Variants in NUDT16L1 observed in about 807,000 individuals in gnomAD.
NUDT16L1 encodes tudor-interacting repair regulator protein.
Under a neutral mutation model 17.3 loss-of-function variants are expected in NUDT16L1, and 19 were observed. The ratio of observed to expected loss-of-function variants is 1.10; its 90% CI spans 0.77 to 1.61. The LOEUF (loss-of-function observed/expected upper bound fraction) is 1.61, where lower values mean the gene tolerates loss of function less well. Among genes scored for constraint, NUDT16L1 ranks in the 40% most tolerant of loss-of-function variants. The pLI, the probability that NUDT16L1 is intolerant of heterozygous loss-of-function variation, is 0.00. For synonymous variants in NUDT16L1, 255 were observed against 138.6 expected (o/e 1.84, Z -5.90); for missense variants, 341 against 292.0 (o/e 1.17, Z -1.22).
chr16:4,693,807 G>C (rs764310584), exon 1 of NUDT16L1: 1 of 1,572,248 alleles, frequency 6.4e-7, no homozygotes, highest in Admixed American at 1.8e-5. Flanking sequence ...GGAGCCACTC[G>C]TGCCACGCCA....
At chr16:4,694,906 G>C in intron 2 of NUDT16L1, 52 bp from the exon 3 acceptor site, 1 of 1,554,706 alleles carries the variant, frequency 6.4e-7, no homozygotes, top group African/African-American at 1.4e-5. Context: ...TCCTGCTGGA[G>C]GTGCCATTGT....
chr16:4,694,742 G>A, intron 2 of NUDT16L1: 4 of 1,425,478 alleles, frequency 2.8e-6, no homozygotes, highest in Non-Finnish European at 2.7e-6. Context: ...AGGGGGGGGA[G>A]TGCATGGGGT....
At chr16:4,694,558 G>C in intron 2 of NUDT16L1, 1 of 1,454,332 alleles carries the variant, frequency 6.9e-7, no homozygotes, top group Non-Finnish European at 9.0e-7. Flanking sequence ...TTGGGGAGTT[G>C]GGAAACTTGA....
chr16:4,694,400 GCC>G, intron 2 of NUDT16L1, 162 bp downstream of exon 2: 1 of 1,471,306 alleles, frequency 6.8e-7, no homozygotes, highest in Non-Finnish European at 9.0e-7. Context: ...GGGCTGGGAG[GCC>G]GGGAAAGGAG....
chr16:4,694,501 G>GA, intron 2 of NUDT16L1: 1 of 1,515,360 alleles, frequency 6.6e-7, no homozygotes, highest in African/African-American at 1.4e-5. Context: ...GGGAGTGGGG[G>GA]AGTGGGATCG....
intron 2 of NUDT16L1, chr16:4,694,471 T>C: frequency 6.6e-7 from 1 of 1,516,210 alleles, no homozygotes; most frequent in Non-Finnish European, 8.8e-7. Context: ...TCCGCCTTGC[T>C]GCCTGCCATT....
At chr16:4,694,705 ACCCCGGGGTGGGGT>A (rs2079498247) in intron 2 of NUDT16L1, 13 of 1,014,946 alleles carry the variant, frequency 1.3e-5, no homozygotes, top group Non-Finnish European at 1.5e-5. Context: ...TGGGGTGCGG[ACCCCGGGGTGGGGT>A]GGCCTGGGTA....
exon 3 of NUDT16L1, chr16:4,695,652 T>C (rs2079525718): frequency 4.9e-6 from 2 of 410,768 alleles, no homozygotes; most frequent in East Asian, 3.5e-5. Context: ...AAGTTAATAA[T>C]ACTGTTAATT....
chr16:4,693,573 G>A (rs1567263223), upstream of NUDT16L1: 1 of 844,790 alleles, frequency 1.2e-6, no homozygotes, highest in East Asian at 3.7e-5. Context: ...ACGACGCACC[G>A]CGGCGCTGCG....
exon 2 of NUDT16L1, chr16:4,694,000 T>C: frequency 6.3e-7 from 1 of 1,583,100 alleles, no homozygotes; most frequent in Non-Finnish European, 8.5e-7. Context: ...TTCGACGGGC[T>C]GCTGGGCTTC....
exon 2 of NUDT16L1, chr16:4,694,152 G>A (rs771212289): frequency 3.2e-6 from 5 of 1,587,262 alleles, no homozygotes; most frequent in Non-Finnish European, 3.4e-6. Flanking sequence ...CCGCGTCGTG[G>A]CGCACCTGTA....
chr16:4,693,937 C>A, intron 1 of NUDT16L1, 41 bp from the exon 2 acceptor site: 1 of 1,503,460 alleles, frequency 6.7e-7, no homozygotes, highest in South Asian at 1.3e-5. Flanking sequence ...CGGGCGGGGG[C>A]GTCCGTCGAC....
chr16:4,695,466 T>A (rs1361943552), exon 3 of NUDT16L1: 4 of 581,774 alleles, frequency 6.9e-6, no homozygotes, highest in Non-Finnish European at 1.2e-5. Flanking sequence ...CTTGTACGTC[T>A]CATCACAGCT....
At chr16:4,695,017 C>T (rs1367967711) in exon 3 of NUDT16L1, 2 of 1,613,174 alleles carry the variant, frequency 1.2e-6, no homozygotes, top group African/African-American at 1.3e-5. Context: ...GAGGCTTCCC[C>T]AACTTCCTGA....
intron 2 of NUDT16L1, chr16:4,694,695 T>A: frequency 9.8e-7 from 1 of 1,017,940 alleles, no homozygotes; most frequent in Non-Finnish European, 1.2e-6. Context: ...GGGGGGAGCA[T>A]GGGGTGCGGA....
exon 3 of NUDT16L1, chr16:4,695,096 G>C: frequency 1.9e-6 from 3 of 1,613,540 alleles, no homozygotes; most frequent in Non-Finnish European, 2.5e-6. Context: ...CATGATGCCC[G>C]AGGAGAAGCT....
At chr16:4,694,617 C>T (rs896633989) in intron 2 of NUDT16L1, 2 of 1,426,526 alleles carry the variant, frequency 1.4e-6, no homozygotes, top group Non-Finnish European at 1.8e-6. Flanking sequence ...GGCGTGAAGG[C>T]TCTTGGGATT....
At chr16:4,693,711 C>CG (rs767688099) in exon 1 of NUDT16L1, 28 of 1,485,630 alleles carry the variant, frequency 1.9e-5, no homozygotes, top group Non-Finnish European at 2.4e-5. Flanking sequence ...GCGGCGGGGA[C>CG]GGGGTCAGTG....
At chr16:4,694,961 C>G in exon 3 of NUDT16L1, 1 of 1,607,778 alleles carries the variant, frequency 6.2e-7, no homozygotes, top group Non-Finnish European at 8.5e-7. Flanking sequence ...TGCGCAGGTG[C>G]TGGGCCTCGT....
Sources: gnomAD v4.1 joint callset for allele counts on GRCh38, gnomAD v4.1.1 for gene constraint, MANE v1.5 for transcripts, NCBI Gene and HGNC (gene_info 2026-07-23, HGNC 2026-07-21) for gene names.